Variants in DGLUCY observed in about 807,000 individuals in gnomAD.
DGLUCY encodes the protein D-glutamate cyclase.
In DGLUCY, 58 loss-of-function variants were observed where a neutral mutation model predicts 58.5. The ratio of observed to expected loss-of-function variants is 0.99; its 90% CI spans 0.80 to 1.23. The LOEUF (loss-of-function observed/expected upper bound fraction) is 1.23, where lower values mean the gene tolerates loss of function less well. Ranked by LOEUF, DGLUCY falls within the 50% of genes most tolerant of loss-of-function variation. DGLUCY has a pLI of 0.00. For synonymous variants in DGLUCY, 325 were observed against 314.1 expected (o/e 1.03, Z -0.37); for missense variants, 779 against 784.7 (o/e 0.99, Z 0.09).
intron 5 of DGLUCY, among the ~76,000 whole-genome samples, chr14:91,172,375 A>C (rs2048615898): frequency 6.6e-6 from 1 of 152,144 alleles, no homozygotes; most frequent in South Asian, 2.1e-4. Flanking sequence ...CACTGTGCCC[A>C]GCCTCAATTT....
intron 1 of DGLUCY, among the ~76,000 whole-genome samples, chr14:91,069,796 C>T (rs915393375): frequency 5.9e-5 from 8 of 134,602 alleles, no homozygotes; most frequent in Non-Finnish European, 1.3e-4. Flanking sequence ...TAATGATATG[C>T]CTCTTTTTTT....
intron 1 of DGLUCY, among the ~76,000 whole-genome samples, chr14:91,153,479 G>A (rs958767546): frequency 3.3e-5 from 5 of 152,316 alleles, no homozygotes; most frequent in Non-Finnish European, 5.9e-5. Context: ...CACCGCACCC[G>A]GCTGACAGTG....
intron 5 of DGLUCY, among the ~76,000 whole-genome samples, chr14:91,170,764 G>C (rs2048536511): frequency 6.6e-6 from 1 of 152,142 alleles, no homozygotes; most frequent in Non-Finnish European, 1.5e-5. Flanking sequence ...CGATTCCCTG[G>C]TTCCACAGAC....
At chr14:91,188,360 G>A (rs2049653160) in intron 8 of DGLUCY, among the ~76,000 whole-genome samples, 1 of 152,156 alleles carries the variant, frequency 6.6e-6, no homozygotes. Flanking sequence ...ACACCAGACT[G>A]AAGGGAGGCT....
upstream of DGLUCY, among the ~76,000 whole-genome samples, chr14:91,106,181 G>A (rs1206874874): frequency 5.3e-5 from 8 of 150,696 alleles, no homozygotes; most frequent in Admixed American, 1.3e-4. Context: ...GGTGACGTGC[G>A]CCTGTAATCC....
At chr14:91,171,297 G>T (rs922810479) in intron 5 of DGLUCY, among the ~76,000 whole-genome samples, 3 of 152,256 alleles carry the variant, frequency 2.0e-5, no homozygotes, top group African/African-American at 7.2e-5. Context: ...ATTAAATGAT[G>T]CTTTGCAGTC....
At chr14:91,071,444 A>T (rs2140028840) in intron 1 of DGLUCY, among the ~76,000 whole-genome samples, 1 of 152,252 alleles carries the variant, frequency 6.6e-6, no homozygotes, top group South Asian at 2.1e-4. Flanking sequence ...CGTTGAAATT[A>T]TTCAACCAAG....
chr14:91,120,366 C>G (rs2045274807), intron 1 of DGLUCY, among the ~76,000 whole-genome samples: 1 of 152,132 alleles, frequency 6.6e-6, no homozygotes, highest in African/African-American at 2.4e-5. Flanking sequence ...GCACAGTTAG[C>G]TAGTTGCCCA....
At chr14:91,080,520 G>A (rs543605674) in intron 1 of DGLUCY, among the ~76,000 whole-genome samples, 15 of 152,162 alleles carry the variant, frequency 9.9e-5, no homozygotes, top group African/African-American at 3.4e-4. Context: ...ACAGGTGCCC[G>A]CCACCACGCC....
intron 1 of DGLUCY, among the ~76,000 whole-genome samples, chr14:91,090,118 A>G (rs1216363027): frequency 6.6e-6 from 1 of 152,186 alleles, no homozygotes; most frequent in African/African-American, 2.4e-5. Flanking sequence ...CACCTGCCCT[A>G]AAACCCATTC....
intron 7 of DGLUCY, among the ~76,000 whole-genome samples, chr14:91,180,745 T>A (rs756634594): frequency 6.6e-6 from 1 of 152,084 alleles, no homozygotes; most frequent in Non-Finnish European, 1.5e-5. Flanking sequence ...AAAATGTAAG[T>A]GCCATAAGGA....
At chr14:91,194,182 C>T (rs2050070397) in intron 9 of DGLUCY, among the ~76,000 whole-genome samples, 1 of 152,192 alleles carries the variant, frequency 6.6e-6, no homozygotes, top group South Asian at 2.1e-4. Context: ...CATGTCATTG[C>T]CCTGTCGCGG....
At chr14:91,103,908 G>A (rs946805390), upstream of DGLUCY, among the ~76,000 whole-genome samples, 9 of 150,970 alleles carry the variant, frequency 6.0e-5, no homozygotes, top group Admixed American at 3.3e-4. Flanking sequence ...CCACTTCTGC[G>A]CATGTCTGTG....
chr14:91,137,423 G>C (rs1253469249), intron 1 of DGLUCY, among the ~76,000 whole-genome samples: 1 of 150,876 alleles, frequency 6.6e-6, no homozygotes, highest in Non-Finnish European at 1.5e-5. Context: ...GTCTTTCTCT[G>C]TTGCCAGGCT....
chr14:91,168,089 G>A (rs1234023362), intron 4 of DGLUCY, among the ~76,000 whole-genome samples: 1 of 151,896 alleles, frequency 6.6e-6, no homozygotes, highest in Non-Finnish European at 1.5e-5. Context: ...ACATAGGGAA[G>A]ACCTGGTCTC....
At chr14:91,142,674 C>T (rs896258892) in intron 1 of DGLUCY, among the ~76,000 whole-genome samples, 3 of 151,856 alleles carry the variant, frequency 2.0e-5, no homozygotes, top group African/African-American at 2.4e-5. Flanking sequence ...AAAGTCTAAT[C>T]GTAGCTGGCC....
intron 2 of DGLUCY, among the ~76,000 whole-genome samples, chr14:91,159,618 C>T (rs1205789152): frequency 6.6e-6 from 1 of 152,138 alleles, no homozygotes; most frequent in Non-Finnish European, 1.5e-5. Context: ...TCTATTTACT[C>T]ACCAAAGATT....
intron 12 of DGLUCY, among the ~76,000 whole-genome samples, chr14:91,207,740 TTTTTTTC>T (rs1884989526): frequency 5.0e-5 from 1 of 20,120 alleles, no homozygotes; most frequent in Admixed American, 7.3e-4. Context: ...ACTATTTTTA[TTTTTTTC>T]TTTTTTCTTT....
intron 1 of DGLUCY, among the ~76,000 whole-genome samples, chr14:91,122,626 A>T (rs10136247): frequency 7.7e-5 from 10 of 130,656 alleles, no homozygotes; most frequent in South Asian, 7.6e-4. Context: ...TTTTTGAGAT[A>T]GAGTCTCACT....
Sources: allele counts gnomAD v4.1 joint callset (sites outside exome capture counted in the v4.1 genomes callset), GRCh38; gene constraint gnomAD v4.1.1; transcripts MANE v1.5; gene names NCBI Gene and HGNC (gene_info 2026-07-23, HGNC 2026-07-21).